Variants in THADA observed in about 807,000 individuals in gnomAD.
THADA encodes tRNA (32-2'-O)-methyltransferase regulator THADA.
THADA carries 213 observed loss-of-function variants against 219.8 expected under a neutral mutation model. The observed-to-expected ratio is 0.97, with a 90% confidence interval of 0.87 to 1.09. THADA has a LOEUF of 1.09. Ranked by LOEUF, THADA falls within the 50% of genes least tolerant of loss-of-function variation. The pLI, the probability that THADA is intolerant of heterozygous loss-of-function variation, is 0.00. For missense variants in THADA, 2,956 were observed against 2,311.3 expected, an observed-to-expected ratio of 1.28 and a Z score of -5.72; for synonymous variants, 1,018 against 828.9, an observed-to-expected ratio of 1.23 and a Z score of -3.92.
chr2:43,392,839 A>T (rs1188382096), intron 29 of THADA, among the ~76,000 whole-genome samples: 1 of 152,184 alleles, frequency 6.6e-6, no homozygotes, highest in Non-Finnish European at 1.5e-5. Context: ...GCTCTCTTTA[A>T]GTTTGCATCA....
chr2:43,503,814 T>C (rs553227395), intron 24 of THADA, among the ~76,000 whole-genome samples: 21 of 152,274 alleles, frequency 1.4e-4, no homozygotes, highest in African/African-American at 4.8e-4. Flanking sequence ...TAAAATGCCA[T>C]TAATCACCTT....
At chr2:43,430,093 T>C (rs1415416165) in intron 27 of THADA, 120 bp downstream of exon 27, 1 of 519,658 alleles carries the variant, frequency 1.9e-6, no homozygotes. Flanking sequence ...AGGAAAAAAT[T>C]TAAACAAATT....
intron 29 of THADA, among the ~76,000 whole-genome samples, chr2:43,364,448 G>A (rs987674657): frequency 2.6e-5 from 4 of 152,130 alleles, no homozygotes; most frequent in Admixed American, 6.5e-5. Context: ...GCTACAGGAT[G>A]TTTCCTAGCC....
chr2:43,517,645 C>T (rs1305184261), intron 22 of THADA, among the ~76,000 whole-genome samples: 1 of 152,042 alleles, frequency 6.6e-6, no homozygotes, highest in East Asian at 1.9e-4. Context: ...ATTTTTTCAT[C>T]CAGTCCCCTC....
At chr2:43,566,174 C>A in intron 15 of THADA, 2 of 359,808 alleles carry the variant, frequency 5.6e-6, no homozygotes, top group Non-Finnish European at 5.0e-6. Flanking sequence ...GAAATTTGAC[C>A]CTCTTGAGAA....
At chr2:43,475,422 T>TAAA (rs59689521) in intron 26 of THADA, among the ~76,000 whole-genome samples, 1 of 99,556 alleles carries the variant, frequency 1.0e-5, no homozygotes, top group Non-Finnish European at 2.0e-5. Context: ...GGCCCTGTCT[T>TAAA]AAAAAAAAAA....
intron 24 of THADA, among the ~76,000 whole-genome samples, chr2:43,501,449 T>G (rs1347552845): frequency 1.3e-5 from 2 of 151,506 alleles, no homozygotes. Flanking sequence ...AAAAAGATAA[T>G]TTTTCCCAAA....
intron 36 of THADA, among the ~76,000 whole-genome samples, chr2:43,271,147 AG>A (rs1001209614): frequency 1.6e-4 from 25 of 152,192 alleles, no homozygotes; most frequent in Non-Finnish European, 5.9e-5. Flanking sequence ...GGCACTTCCC[AG>A]GGCCGGCCCT....
intron 26 of THADA, among the ~76,000 whole-genome samples, chr2:43,469,033 G>A (rs1381149485): frequency 2.0e-5 from 3 of 152,168 alleles, no homozygotes; most frequent in Admixed American, 6.5e-5. Flanking sequence ...AAGGCACTGG[G>A]ATACAAGGGA....
intron 28 of THADA, among the ~76,000 whole-genome samples, chr2:43,403,262 A>G: frequency 6.6e-6 from 1 of 152,200 alleles, no homozygotes; most frequent in East Asian, 1.9e-4. Context: ...CAAACATTCA[A>G]CCTAATCACA....
intron 20 of THADA, among the ~76,000 whole-genome samples, chr2:43,547,032 G>T (rs1184000400): frequency 6.6e-6 from 1 of 151,976 alleles, no homozygotes; most frequent in African/African-American, 2.4e-5. Context: ...TCCATGTTTA[G>T]TGCTTCCTTC....
chr2:43,347,220 T>G (rs926209023), intron 29 of THADA, among the ~76,000 whole-genome samples: 4 of 152,212 alleles, frequency 2.6e-5, no homozygotes, highest in African/African-American at 9.7e-5. Context: ...TAACCTCTGT[T>G]TCTCCATGGT....
chr2:43,496,345 G>A (rs965010502), intron 25 of THADA, among the ~76,000 whole-genome samples: 1 of 152,136 alleles, frequency 6.6e-6, no homozygotes, highest in African/African-American at 2.4e-5. Flanking sequence ...ATTGTACTGG[G>A]TATTGCCCAT....
intron 29 of THADA, among the ~76,000 whole-genome samples, chr2:43,368,328 C>CT (rs1192184729): frequency 6.6e-6 from 1 of 152,136 alleles, no homozygotes; most frequent in Non-Finnish European, 1.5e-5. Context: ...CCATACAAAT[C>CT]TAGTTTCTCT....
chr2:43,289,273 G>C (rs142648999), intron 34 of THADA, among the ~76,000 whole-genome samples: 2 of 152,226 alleles, frequency 1.3e-5, no homozygotes, highest in African/African-American at 4.8e-5. Flanking sequence ...ACTTTTTCTA[G>C]AACAGGGACT....
intron 29 of THADA, among the ~76,000 whole-genome samples, chr2:43,363,705 G>A (rs969193157): frequency 6.6e-6 from 1 of 152,216 alleles, no homozygotes; most frequent in East Asian, 1.9e-4. Context: ...TAGTTCATGA[G>A]TCTGTGGAGC....
At chr2:43,264,822 G>T (rs1671340982) in intron 36 of THADA, among the ~76,000 whole-genome samples, 1 of 152,182 alleles carries the variant, frequency 6.6e-6, no homozygotes, top group Non-Finnish European at 1.5e-5. Context: ...AAGATTTCTT[G>T]CACCCATCTC....
intron 36 of THADA, among the ~76,000 whole-genome samples, chr2:43,262,436 A>AGCATGGG (rs2104213816): frequency 7.1e-6 from 1 of 141,380 alleles, no homozygotes; most frequent in East Asian, 1.9e-4. Flanking sequence ...AGACAGAAGA[A>AGCATGGG]GCATGGGGCC....
intron 26 of THADA, among the ~76,000 whole-genome samples, chr2:43,481,434 A>T (rs977642551): frequency 2.0e-5 from 3 of 152,184 alleles, no homozygotes; most frequent in African/African-American, 7.2e-5. Flanking sequence ...TAACACAGTA[A>T]ACAAAACTAT....
Sources: allele counts gnomAD v4.1 joint callset (sites outside exome capture counted in the v4.1 genomes callset), GRCh38; gene constraint gnomAD v4.1.1; transcripts MANE v1.5; gene names NCBI Gene and HGNC (gene_info 2026-07-23, HGNC 2026-07-21).